Variants in ADAMTS3 observed in about 807,000 individuals in gnomAD.
ADAMTS3 encodes the protein ADAM metallopeptidase with thrombospondin type 1 motif 3, also known as A disintegrin and metalloproteinase with thrombospondin motifs 3.
ADAMTS3 carries 73 observed loss-of-function variants against 129.0 expected under a neutral mutation model. That is an observed-to-expected ratio of 0.57 (90% CI 0.47 to 0.69). The LOEUF (loss-of-function observed/expected upper bound fraction) is 0.69, where lower values mean the gene tolerates loss of function less well. Ranked by LOEUF, ADAMTS3 falls within the 30% of genes least tolerant of loss-of-function variation. The probability of loss-of-function intolerance (pLI) is 0.00; values close to 1 mark genes in which losing one functional copy is unlikely to be tolerated. For synonymous variants in ADAMTS3, 477 were observed against 510.8 expected (o/e 0.93, Z 0.89); for missense variants, 1,457 against 1,514.5 (o/e 0.96, Z 0.63).
At chr4:72,393,749 C>T (rs1721659744) in intron 4 of ADAMTS3, among the ~76,000 whole-genome samples, 1 of 152,130 alleles carries the variant, frequency 6.6e-6, no homozygotes, top group African/African-American at 2.4e-5. Context: ...TATATACTTA[C>T]TTTTAAATAC....
chr4:72,312,026 A>G, intron 13 of ADAMTS3: 1 of 364,292 alleles, frequency 2.7e-6, no homozygotes, highest in Non-Finnish European at 5.0e-6. Context: ...GAATTCCAAC[A>G]TCTCTCCCAG....
At position 72,309,439 on chromosome 4, in the gene ADAMTS3, G is replaced by C. The variant is rs761989336; in HGVS notation, c.2137C>G (p.Arg713Gly). ...CTGGTAAATGTCCCCTTCACGGTTCGGCAGTGGGAATTATCTCCTCCACAG... is the reference window on the plus strand; with the variant it reads ...CTGGTAAATGTCCCCTTCACGGTTCCGCAGTGGGAATTATCTCCTCCACAG... ...GVCGGDNSHCRTVKGTFTRTP... is the reference protein window; with the variant it reads ...GVCGGDNSHCGTVKGTFTRTP... The change falls in exon 15 of 22, where the codon CGA becomes GGA. Residue 713 changes from arginine (R) to glycine (G), a missense_variant. Physicochemically the swap from Arg to Gly is moderately radical, Grantham distance 125. Coordinates refer to ENST00000286657, the MANE Select transcript of ADAMTS3 (RefSeq NM_014243.3). The C allele has an allele frequency of 2.5e-6, 4 of 1,611,836 alleles. No individual in the cohort carries two copies. Among genetic ancestry groups the C allele is most frequent in the Non-Finnish European group, 8.5e-7 (1 of 1,178,624 alleles).
At position 72,406,255 on chromosome 4, in the gene ADAMTS3, C is replaced by T. The variant is rs975148747; in HGVS notation, c.661+8560G>A. On this transcript the variant is annotated intron_variant, in intron 4 of 21. Transcript: ENST00000286657. ...ACCAACAGGGCTAGCAGATACCATGCAAAAAAGATAGCCAGCCCAGCAATG... is the reference window on the plus strand; with the variant it reads ...ACCAACAGGGCTAGCAGATACCATGTAAAAAAGATAGCCAGCCCAGCAATG... 7.2e-5 allele frequency among the ~76,000 whole-genome samples: 11 copies of T among 152,130 alleles called. No individual in the cohort carries two copies. The East Asian group carries it at 1.9e-3, about 27-fold the overall frequency.
At position 72,283,717 on chromosome 4, in the gene ADAMTS3, A is replaced by G. The variant is rs375734972; in HGVS notation, c.3050-13T>C. The G allele has an allele frequency of 4.6e-6, 7 of 1,536,734 alleles. No homozygotes were observed. Among genetic ancestry groups the G allele is most frequent in the Middle Eastern group, 1.8e-4 (1 of 5,700 alleles). On this transcript the variant is annotated splice_polypyrimidine_tract_variant and intron_variant, in intron 21 of 21. Transcript: ENST00000286657. ...AAACATGGTTCATCTGCAAAAATAA[A>G]AAGAAAATAAACTAACACTAGCATC...
chr4:72,417,467 T>C (rs1382308383), intron 3 of ADAMTS3, among the ~76,000 whole-genome samples: 1 of 152,018 alleles, frequency 6.6e-6, no homozygotes, highest in African/African-American at 2.4e-5. Context: ...AAAACAAAAT[T>C]CAACACAATT....
At chr4:72,493,136 A>T (rs1719789450) in intron 3 of ADAMTS3, among the ~76,000 whole-genome samples, 1 of 151,886 alleles carries the variant, frequency 6.6e-6, no homozygotes, top group Non-Finnish European at 1.5e-5. Context: ...TATAGACAAC[A>T]TATCACCAAA....
chr4:72,287,444 GA>G, intron 21 of ADAMTS3, among the ~76,000 whole-genome samples: 1 of 150,690 alleles, frequency 6.6e-6, no homozygotes. Flanking sequence ...GGGTGAAGGG[GA>G]GGACACCGAG....
chr4:72,349,562 A>G (rs1317824063), intron 4 of ADAMTS3, among the ~76,000 whole-genome samples: 1 of 152,076 alleles, frequency 6.6e-6, no homozygotes, highest in Non-Finnish European at 1.5e-5. Context: ...TTTTCCAAGA[A>G]TACCTTAAAT....
chr4:72,569,145 G>A lies in ADAMTS3; in HGVS notation c.-383C>T, dbSNP rs561891545. 1.8e-5 allele frequency: 4 copies of A among 217,980 alleles called. No individual in the cohort carries two copies. The highest frequency in any genetic ancestry group is 2.7e-5 in the Non-Finnish European group (3 of 109,824). The allele number at this position is 217,980 out of a possible 1,614,324, so 13.5% of individuals were successfully genotyped here. ...CATTGGTCCCTAAGGTTAGCGCGGAGAATGCTTGGGTTCCCCGGAGCACAG... is the reference window on the plus strand; with the variant it reads ...CATTGGTCCCTAAGGTTAGCGCGGAAAATGCTTGGGTTCCCCGGAGCACAG... On this transcript the variant is annotated 5_prime_UTR_variant, in exon 1 of 22. Coordinates refer to ENST00000286657, the MANE Select transcript of ADAMTS3 (RefSeq NM_014243.3).
chr4:72,564,116 A>G (rs543765761), intron 2 of ADAMTS3, among the ~76,000 whole-genome samples: 6 of 152,278 alleles, frequency 3.9e-5, no homozygotes, highest in African/African-American at 1.4e-4. Flanking sequence ...AGATGCCCCA[A>G]TTCCAAGAGG....
At position 72,457,227 on chromosome 4, in the gene ADAMTS3, T is replaced by C. The variant is rs139955393; in HGVS notation, c.505-42256A>G. ...TCCGTTTGCTTATTGCCCATAGGCA[T>C]AACCTACAAGAAACTGGCAGGACAT... On this transcript the variant is annotated intron_variant, in intron 3 of 21. Coordinates refer to ENST00000286657, the MANE Select transcript of ADAMTS3 (RefSeq NM_014243.3). Among the ~76,000 whole-genome samples the C allele has an allele frequency of 4.8e-3, 731 of 151,882 alleles. 1 individual carries two copies. Among genetic ancestry groups the C allele is most frequent in the Non-Finnish European group, 8.0e-3 (540 of 67,804 alleles).
At chr4:72,565,534 A>G (rs1274918674) in intron 2 of ADAMTS3, among the ~76,000 whole-genome samples, 1 of 152,206 alleles carries the variant, frequency 6.6e-6, no homozygotes, top group African/African-American at 2.4e-5. Flanking sequence ...TACTTTTGCT[A>G]TCACAAGACC....
chr4:72,313,591 C>T (rs1719303345), intron 12 of ADAMTS3, 86 bp downstream of exon 12: 1 of 1,416,186 alleles, frequency 7.1e-7, no homozygotes, highest in Non-Finnish European at 9.6e-7. Flanking sequence ...TTTACATGCA[C>T]TTTATAAAAC....
At chr4:72,314,891 A>C (rs1719350850) in intron 11 of ADAMTS3, among the ~76,000 whole-genome samples, 2 of 152,202 alleles carry the variant, frequency 1.3e-5, no homozygotes, top group South Asian at 4.1e-4. Context: ...AATCTTCTGT[A>C]CCAGGTTTTG....
chr4:72,519,580 G>C (rs1400538742), intron 3 of ADAMTS3, among the ~76,000 whole-genome samples: 4 of 151,960 alleles, frequency 2.6e-5, no homozygotes, highest in African/African-American at 4.8e-5. Flanking sequence ...CGCTTCATTT[G>C]ATTCATTTCA....
At position 72,397,432 on chromosome 4, in the gene ADAMTS3, GC is replaced by G. The variant is rs749002141; in HGVS notation, c.661+17382del. Among the ~76,000 whole-genome samples the G allele has an allele frequency of 5.9e-5, 9 of 152,042 alleles. No homozygotes were observed. The South Asian group carries it at 1.7e-3, about 28-fold the overall frequency. On this transcript the variant is annotated intron_variant, in intron 4 of 21. Coordinates refer to ENST00000286657, the MANE Select transcript of ADAMTS3 (RefSeq NM_014243.3). ...TACAATAAATTAGCCAGGTGCCGTG[GC>G]GGGTGCTTGTAATCCCAGCTACTCA... is the stretch of plus-strand genomic sequence containing the variant.
chr4:72,558,537 A>C (rs931868306), intron 2 of ADAMTS3, among the ~76,000 whole-genome samples: 8 of 151,822 alleles, frequency 5.3e-5, no homozygotes, highest in Middle Eastern at 3.4e-3. Flanking sequence ...CCTCAATTCC[A>C]TCTGCAAACT....
intron 4 of ADAMTS3, among the ~76,000 whole-genome samples, chr4:72,387,381 C>A (rs1243491847): frequency 6.6e-6 from 1 of 152,198 alleles, no homozygotes; most frequent in Non-Finnish European, 1.5e-5. Flanking sequence ...GTGATCTAAA[C>A]CCCATACTCA....
At chr4:72,341,277 T>C (rs1196240282) in intron 4 of ADAMTS3, among the ~76,000 whole-genome samples, 1 of 152,082 alleles carries the variant, frequency 6.6e-6, no homozygotes, top group Non-Finnish European at 1.5e-5. Context: ...ACTACTCAGG[T>C]TTAAAAGCTC....
Sources: allele counts gnomAD v4.1 joint callset (sites outside exome capture counted in the v4.1 genomes callset), GRCh38; gene constraint gnomAD v4.1.1; transcripts MANE v1.5; gene names NCBI Gene and HGNC (gene_info 2026-07-23, HGNC 2026-07-21).